Variants in FUT8 observed in about 807,000 individuals in gnomAD.
The protein encoded by FUT8 is alpha-(1,6)-fucosyltransferase.
FUT8 carries 29 observed loss-of-function variants against 71.3 expected under a neutral mutation model. The ratio of observed to expected loss-of-function variants is 0.41; its 90% CI spans 0.30 to 0.55. FUT8 has a LOEUF of 0.55. Ranked by LOEUF, FUT8 falls within the 20% of genes least tolerant of loss-of-function variation. The pLI is 0.34. For synonymous variants in FUT8, 254 were observed against 239.3 expected, an observed-to-expected ratio of 1.06 and a Z score of -0.57; for missense variants, 544 against 702.1, an observed-to-expected ratio of 0.77 and a Z score of 2.55.
At chr14:65,728,389 G>T (rs987949541) in intron 9 of FUT8, among the ~76,000 whole-genome samples, 1 of 152,228 alleles carries the variant, frequency 6.6e-6, no homozygotes, top group Non-Finnish European at 1.5e-5. Context: ...CGTGACTTAT[G>T]TGGTGGCAGA....
intron 3 of FUT8, among the ~76,000 whole-genome samples, chr14:65,611,640 TATC>T (rs1889005488): frequency 1.3e-5 from 2 of 152,030 alleles, no homozygotes. Context: ...TCAACTTGGG[TATC>T]TATTAAAATT....
At chr14:65,650,180 T>C (rs545822161) in intron 6 of FUT8, among the ~76,000 whole-genome samples, 1 of 151,500 alleles carries the variant, frequency 6.6e-6, no homozygotes, top group Non-Finnish European at 1.5e-5. Flanking sequence ...GCGCCTGTAA[T>C]CCCAGCTACT....
intron 6 of FUT8, among the ~76,000 whole-genome samples, chr14:65,644,412 T>G (rs1029629606): frequency 5.9e-5 from 9 of 152,034 alleles, no homozygotes; most frequent in Non-Finnish European, 1.2e-4. Flanking sequence ...TGCCTCAGCC[T>G]CCCGACTAGC....
chr14:65,537,297 T>C (rs965224568), intron 2 of FUT8, among the ~76,000 whole-genome samples: 1 of 151,914 alleles, frequency 6.6e-6, no homozygotes, highest in African/African-American at 2.4e-5. Context: ...GGAGAACTAG[T>C]GTAGTCATTG....
intron 5 of FUT8, among the ~76,000 whole-genome samples, chr14:65,621,843 G>A (rs1889630829): frequency 6.6e-6 from 1 of 151,578 alleles, no homozygotes. Flanking sequence ...TTTTGTTTTT[G>A]AGATGGAGTC....
At chr14:65,364,395 GT>G in the FUT8 span, among the ~76,000 whole-genome samples, 1 of 152,092 alleles carries the variant, frequency 6.6e-6, no homozygotes, top group Non-Finnish European at 1.5e-5. Flanking sequence ...TAGAGACGGG[GT>G]TTCACCATGT....
At chr14:65,676,232 G>C (rs1228271914) in intron 7 of FUT8, among the ~76,000 whole-genome samples, 1 of 152,134 alleles carries the variant, frequency 6.6e-6, no homozygotes, top group East Asian at 1.9e-4. Context: ...GTGTGACTTA[G>C]GAAAAAGCAA....
the FUT8 span, among the ~76,000 whole-genome samples, chr14:65,389,375 A>G: frequency 0.16 from 17,565 of 112,444 alleles, 1,403 homozygotes; most frequent in East Asian, 0.49. Flanking sequence ...ACACCCTGAT[A>G]TTTTTTTTTT....
chr14:65,674,113 GATATA>G (rs574118374), intron 7 of FUT8, among the ~76,000 whole-genome samples: 120 of 152,122 alleles, frequency 7.9e-4, no homozygotes, highest in African/African-American at 2.7e-3. Context: ...AGAATATATA[GATATA>G]ATATACATAT....
chr14:65,626,319 G>A (rs1432246608), intron 5 of FUT8, among the ~76,000 whole-genome samples: 2 of 152,044 alleles, frequency 1.3e-5, no homozygotes, highest in African/African-American at 4.8e-5. Context: ...TCTCAGAGAT[G>A]TCAAAATAAT....
chr14:65,556,669 A>G (rs1291109162), intron 2 of FUT8, among the ~76,000 whole-genome samples: 1 of 152,230 alleles, frequency 6.6e-6, no homozygotes, highest in Non-Finnish European at 1.5e-5. Flanking sequence ...AAGGGCATGA[A>G]TAGTGGACGC....
At chr14:65,414,083 C>A (rs547788043) in intron 1 of FUT8, among the ~76,000 whole-genome samples, 6 of 152,216 alleles carry the variant, frequency 3.9e-5, no homozygotes, top group African/African-American at 1.4e-4. Flanking sequence ...TTTAATTATT[C>A]ACAGTTTATT....
intron 9 of FUT8, 96 bp from the exon 10 acceptor site, chr14:65,733,135 C>G: frequency 1.4e-6 from 1 of 738,974 alleles, no homozygotes; most frequent in Non-Finnish European, 2.1e-6. Flanking sequence ...TAAAGGTCTC[C>G]TTTCTGTGAG....
chr14:65,412,477 G>C (rs1345192375), upstream of FUT8: 1 of 394,018 alleles, frequency 2.5e-6, no homozygotes, highest in Non-Finnish European at 5.1e-6. Context: ...GCCTTCAGGC[G>C]GTAGAGGGCG....
chr14:65,430,142 C>G (rs1332948727), intron 1 of FUT8: 1 of 151,710 alleles, frequency 6.6e-6, no homozygotes, highest in African/African-American at 2.4e-5. Flanking sequence ...AGCTCAGCCT[C>G]CTGAGTAGCT....
intron 9 of FUT8, among the ~76,000 whole-genome samples, chr14:65,729,528 T>G (rs1253232076): frequency 1.6e-5 from 1 of 61,428 alleles, no homozygotes; most frequent in Admixed American, 1.8e-4. Flanking sequence ...GATATAAACT[T>G]TTTTTTTTTT....
At chr14:65,536,971 T>TC (rs1438752676) in intron 2 of FUT8, among the ~76,000 whole-genome samples, 5 of 27,248 alleles carry the variant, frequency 1.8e-4, no homozygotes, top group African/African-American at 5.3e-4. Context: ...TTCTTCTTCT[T>TC]TTTTTTTTTT....
intron 3 of FUT8, among the ~76,000 whole-genome samples, chr14:65,580,070 T>TCATATATATATA (rs3986817): frequency 7.0e-6 from 1 of 142,846 alleles, no homozygotes; most frequent in East Asian, 2.0e-4. Context: ...GTGCTATATT[T>TCATATATATATA]TATATATATA....
intron 1 of FUT8, among the ~76,000 whole-genome samples, chr14:65,455,137 G>T (rs2065878441): frequency 1.3e-5 from 2 of 152,132 alleles, no homozygotes; most frequent in Admixed American, 6.5e-5. Flanking sequence ...TAAACAAATT[G>T]TTCTATGGAA....
Sources: gnomAD v4.1 joint callset for allele counts (sites outside exome capture counted in the v4.1 genomes callset) on GRCh38, gnomAD v4.1.1 for gene constraint, MANE v1.5 for transcripts, NCBI Gene and HGNC (gene_info 2026-07-23, HGNC 2026-07-21) for gene names.